Variants in WDPCP observed in about 807,000 individuals in gnomAD.
The protein encoded by WDPCP is WD repeat containing planar cell polarity effector.
WDPCP carries 71 observed loss-of-function variants against 93.1 expected under a neutral mutation model. The observed-to-expected ratio is 0.76, with a 90% CI of 0.63 to 0.93. The LOEUF is 0.93. WDPCP is among the 40% of genes least tolerant of loss of function. The pLI, the probability that WDPCP is intolerant of heterozygous loss-of-function variation, is 0.00. For synonymous variants in WDPCP, 315 were observed against 315.0 expected, an observed-to-expected ratio of 1.00 and a Z score of 0.00; for missense variants, 844 against 887.4, an observed-to-expected ratio of 0.95 and a Z score of 0.62.
chr2:63,497,886 AG>A (rs1390871385), intron 1 of WDPCP, among the ~76,000 whole-genome samples: 1 of 152,188 alleles, frequency 6.6e-6, no homozygotes, highest in African/African-American at 2.4e-5. Flanking sequence ...CATTTTCAGA[AG>A]GGGGTGCGGG....
At chr2:63,526,840 T>C (rs1267936317) in intron 1 of WDPCP, among the ~76,000 whole-genome samples, 1 of 152,242 alleles carries the variant, frequency 6.6e-6, no homozygotes, top group Non-Finnish European at 1.5e-5. Flanking sequence ...CAGGATTACC[T>C]TGATTATTTC....
intron 14 of WDPCP, among the ~76,000 whole-genome samples, chr2:63,252,240 C>T (rs77943482): frequency 0.014 from 2,186 of 152,178 alleles, 29 homozygotes; most frequent in Non-Finnish European, 0.021. Context: ...CCAACATCCT[C>T]CTTGATAAAA....
chr2:63,712,977 T>G (rs1669285518), intron 2 of WDPCP, among the ~76,000 whole-genome samples: 1 of 152,194 alleles, frequency 6.6e-6, no homozygotes. Context: ...TTCCTCTGAC[T>G]TGGGCTAGCC....
At chr2:63,630,505 G>T (rs1271062108) in intron 3 of WDPCP, among the ~76,000 whole-genome samples, 2 of 151,728 alleles carry the variant, frequency 1.3e-5, no homozygotes, top group African/African-American at 4.8e-5. Context: ...CAGATAAAGA[G>T]AAAAAAACTC....
At chr2:63,550,102 T>A (rs13025357) in intron 1 of WDPCP, among the ~76,000 whole-genome samples, 29,207 of 151,646 alleles carry the variant, frequency 0.19, 3,035 homozygotes, top group Middle Eastern at 0.27. Context: ...AGTTCTGCCA[T>A]TATACTGGCT....
chr2:63,506,252 T>C (rs1292029967), intron 1 of WDPCP, among the ~76,000 whole-genome samples: 1 of 151,864 alleles, frequency 6.6e-6, no homozygotes, highest in Non-Finnish European at 1.5e-5. Context: ...TTACAACCAA[T>C]AGTAGATTAG....
At chr2:63,122,377 A>G (rs1669603001) in intron 17 of WDPCP, among the ~76,000 whole-genome samples, 1 of 152,178 alleles carries the variant, frequency 6.6e-6, no homozygotes, top group Non-Finnish European at 1.5e-5. Context: ...TTTGGATTCT[A>G]CAGTGTGATT....
intron 9 of WDPCP, among the ~76,000 whole-genome samples, chr2:63,414,040 A>T (rs1695222756): frequency 6.6e-6 from 1 of 152,210 alleles, no homozygotes; most frequent in Non-Finnish European, 1.5e-5. Flanking sequence ...AATTCTCAAA[A>T]GAAGATACAG....
chr2:63,586,506 CG>C (rs1708853939), intron 1 of WDPCP, among the ~76,000 whole-genome samples: 1 of 152,134 alleles, frequency 6.6e-6, no homozygotes, highest in African/African-American at 2.4e-5. Context: ...TTACCAAAGA[CG>C]GTTCAAAAGG....
At chr2:63,621,782 C>G (rs189991907) in intron 3 of WDPCP, among the ~76,000 whole-genome samples, 1 of 152,016 alleles carries the variant, frequency 6.6e-6, no homozygotes, top group Non-Finnish European at 1.5e-5. Context: ...AAAGAAAGGT[C>G]GGGTTACCCA....
chr2:63,564,190 C>T (rs1706849914), intron 1 of WDPCP: 1 of 152,112 alleles, frequency 6.6e-6, no homozygotes, highest in Non-Finnish European at 1.5e-5. Context: ...TTATAAGGGT[C>T]AACTTGTCAA....
intron 7 of WDPCP, among the ~76,000 whole-genome samples, chr2:63,439,301 A>C (rs576354632): frequency 1.3e-5 from 2 of 152,226 alleles, no homozygotes; most frequent in East Asian, 3.9e-4. Context: ...TACTATTTAG[A>C]AAATATAGCC....
At chr2:63,307,492 C>T (rs888622240) in intron 13 of WDPCP, among the ~76,000 whole-genome samples, 1 of 152,162 alleles carries the variant, frequency 6.6e-6, no homozygotes, top group Non-Finnish European at 1.5e-5. Context: ...TCAAACTATA[C>T]TACAAGTCTA....
chr2:63,576,197 G>A (rs1453917267), intron 1 of WDPCP, among the ~76,000 whole-genome samples: 5 of 151,910 alleles, frequency 3.3e-5, no homozygotes, highest in Admixed American at 1.3e-4. Flanking sequence ...AGATAACATC[G>A]GATCCCACAG....
intron 12 of WDPCP, among the ~76,000 whole-genome samples, chr2:63,374,400 C>T (rs1317686440): frequency 2.0e-5 from 3 of 152,094 alleles, no homozygotes; most frequent in Admixed American, 1.3e-4. Context: ...TATTATCTAG[C>T]ATTTTTGGAT....
intron 6 of WDPCP, chr2:63,441,102 T>A (rs1214534813): frequency 1.3e-5 from 2 of 152,130 alleles, no homozygotes; most frequent in African/African-American, 4.8e-5. Context: ...AACAGATTAT[T>A]CCATTTTGCG....
At chr2:63,770,752 A>G (rs1299001354) in intron 2 of WDPCP, among the ~76,000 whole-genome samples, 2 of 151,952 alleles carry the variant, frequency 1.3e-5, no homozygotes, top group African/African-American at 2.4e-5. Flanking sequence ...TCACAAGTAT[A>G]CAACAGAGTT....
chr2:63,633,028 G>A (rs1374331799), intron 3 of WDPCP, among the ~76,000 whole-genome samples: 3 of 152,100 alleles, frequency 2.0e-5, no homozygotes, highest in Non-Finnish European at 4.4e-5. Context: ...CTACCAGCAG[G>A]CTTCTCAGCA....
chr2:63,414,049 A>G (rs1695223585), intron 9 of WDPCP, among the ~76,000 whole-genome samples: 1 of 152,198 alleles, frequency 6.6e-6, no homozygotes, highest in Non-Finnish European at 1.5e-5. Flanking sequence ...AAGAAGATAC[A>G]GAAATGGCCA....
Sources: allele counts gnomAD v4.1 joint callset (sites outside exome capture counted in the v4.1 genomes callset), GRCh38; gene constraint gnomAD v4.1.1; transcripts MANE v1.5; gene names NCBI Gene and HGNC (gene_info 2026-07-23, HGNC 2026-07-21).